CAMK2D: variants seen among roughly 807,000 people sequenced by gnomAD.
CAMK2D encodes calcium/calmodulin dependent protein kinase II delta, also known as calcium/calmodulin-dependent protein kinase type II subunit delta.
In CAMK2D, 37 loss-of-function variants were observed where a neutral mutation model predicts 84.0. The ratio of observed to expected loss-of-function variants is 0.44; its 90% CI spans 0.34 to 0.58. The LOEUF (loss-of-function observed/expected upper bound fraction) is 0.58, where lower values mean the gene tolerates loss of function less well. Among genes scored for constraint, CAMK2D ranks in the 20% least tolerant of loss-of-function variants. The pLI, the probability that CAMK2D is intolerant of heterozygous loss-of-function variation, is 0.02. For missense variants in CAMK2D, 448 were observed against 652.5 expected, an observed-to-expected ratio of 0.69 and a Z score of 3.41; for synonymous variants, 202 against 212.5, an observed-to-expected ratio of 0.95 and a Z score of 0.43.
chr4:113,519,914 A>C (rs955902093), intron 8 of CAMK2D, among the ~76,000 whole-genome samples: 1 of 152,196 alleles, frequency 6.6e-6, no homozygotes, highest in Non-Finnish European at 1.5e-5. Context: ...ATGATGCTCT[A>C]AACATTCCCT....
At chr4:113,594,351 A>G (rs1373364313) in intron 4 of CAMK2D, among the ~76,000 whole-genome samples, 1 of 152,182 alleles carries the variant, frequency 6.6e-6, no homozygotes, top group Non-Finnish European at 1.5e-5. Flanking sequence ...CACCTAGTAC[A>G]TCATGCCCAC....
At chr4:113,737,449 A>C (rs2099583775) in intron 2 of CAMK2D, among the ~76,000 whole-genome samples, 1 of 152,216 alleles carries the variant, frequency 6.6e-6, no homozygotes, top group Admixed American at 6.5e-5. Flanking sequence ...AAATTCACAG[A>C]GACAGAGTGC....
rs1013428867 is a variant in CAMK2D at position 113,644,202 on chromosome 4, A to G, written c.220+17511T>C. On this transcript the variant is annotated intron_variant, in intron 3 of 20. Transcript: ENST00000511664. The stretch of plus-strand genomic sequence containing the variant: ...TGGGTTCAAAAAGAAAAAGACCTCA[A>G]TAAAATCAGAAGAAACAGAAAAAAT... Among the ~76,000 whole-genome samples, 91 of 152,238 alleles carry G rather than the reference A, an allele frequency of 6.0e-4. 1 individual carries two copies. The highest frequency in any genetic ancestry group is 2.1e-3 in the African/African-American group (87 of 41,462).
intron 3 of CAMK2D, among the ~76,000 whole-genome samples, chr4:113,622,887 A>G (rs1261611505): frequency 6.6e-6 from 1 of 152,206 alleles, no homozygotes; most frequent in Non-Finnish European, 1.5e-5. Context: ...ATTCTCTAGA[A>G]TAGGTATCTT....
intron 15 of CAMK2D, 59 bp from the exon 16 acceptor site, chr4:113,500,570 TA>T (rs2098023907): frequency 6.0e-6 from 7 of 1,164,264 alleles, no homozygotes; most frequent in Non-Finnish European, 1.3e-6. Flanking sequence ...ATTTCCTCCT[TA>T]AAAATTGGCT....
At chr4:113,510,212 C>CTATT (rs2098191984) in intron 12 of CAMK2D, among the ~76,000 whole-genome samples, 2 of 152,234 alleles carry the variant, frequency 1.3e-5, no homozygotes, top group Admixed American at 6.5e-5. Context: ...AAAAATATTA[C>CTATT]TATTTAAATA....
At chr4:113,507,733 T>C (rs983552052) in intron 13 of CAMK2D, among the ~76,000 whole-genome samples, 1 of 152,174 alleles carries the variant, frequency 6.6e-6, no homozygotes, top group Non-Finnish European at 1.5e-5. Context: ...GGGCAAGATA[T>C]TCCTATTTCT....
At chr4:113,650,608 G>A (rs11934407) in intron 3 of CAMK2D, among the ~76,000 whole-genome samples, 14,916 of 151,356 alleles carry the variant, frequency 0.099, 2,113 homozygotes, top group African/African-American at 0.32. Flanking sequence ...AAAAGATTTC[G>A]AAAAAACATT....
chr4:113,580,345 T>C (rs959191405), intron 4 of CAMK2D, among the ~76,000 whole-genome samples: 8 of 152,242 alleles, frequency 5.3e-5, no homozygotes, highest in African/African-American at 1.9e-4. Flanking sequence ...GAAATGGTTT[T>C]TCATATTGTA....
intron 3 of CAMK2D, among the ~76,000 whole-genome samples, chr4:113,644,025 T>C (rs903240057): frequency 1.1e-4 from 17 of 152,202 alleles, no homozygotes; most frequent in Admixed American, 5.9e-4. Flanking sequence ...TTACATCAAA[T>C]TATGTCATTC....
chr4:113,480,209 C>T (rs980481624), intron 16 of CAMK2D, among the ~76,000 whole-genome samples: 9 of 152,016 alleles, frequency 5.9e-5, no homozygotes, highest in Admixed American at 2.6e-4. Flanking sequence ...GTAATCCGCC[C>T]GCCTCGGCCT....
At chr4:113,508,850 C>T (rs1329839301) in intron 13 of CAMK2D, among the ~76,000 whole-genome samples, 3 of 152,120 alleles carry the variant, frequency 2.0e-5, no homozygotes, top group Middle Eastern at 3.4e-3. Flanking sequence ...TTCCCAAGAA[C>T]GTTGAAGTGT....
rs372378514 is a variant in CAMK2D, at chr4:113,515,201, T to C, written c.697-10A>G. 1.2e-4 allele frequency: 184 copies of C among 1,574,572 alleles called. No individual in the cohort carries two copies. The African/African-American group carries it at 2.4e-3, about 20-fold the overall frequency. ...ATTCTGGTGATGGAAACTTCAAAAATATAAATTTATAAAAAGTTTAAAAAA... is the reference window on the plus strand; with the variant it reads ...ATTCTGGTGATGGAAACTTCAAAAACATAAATTTATAAAAAGTTTAAAAAA... On this transcript the variant is annotated splice_polypyrimidine_tract_variant and intron_variant, in intron 9 of 20. Transcript: ENST00000511664.
chr4:113,589,404 A>G (rs567026279), intron 4 of CAMK2D, among the ~76,000 whole-genome samples: 1 of 152,114 alleles, frequency 6.6e-6, no homozygotes, highest in East Asian at 1.9e-4. Flanking sequence ...AAGAAGTGCA[A>G]ATGTCTTGAA....
intron 16 of CAMK2D, among the ~76,000 whole-genome samples, chr4:113,499,922 T>C (rs1221462244): frequency 1.3e-5 from 2 of 152,146 alleles, no homozygotes; most frequent in Non-Finnish European, 2.9e-5. Context: ...CTCATACATG[T>C]AGCTAAAAGA....
intron 2 of CAMK2D, among the ~76,000 whole-genome samples, chr4:113,668,136 A>G (rs1456654852): frequency 1.3e-5 from 2 of 152,140 alleles, no homozygotes; most frequent in Non-Finnish European, 1.5e-5. Flanking sequence ...AAAAAAAATT[A>G]CGTGAAAAAA....
At chr4:113,620,834 T>C (rs1237713035) in intron 3 of CAMK2D, among the ~76,000 whole-genome samples, 1 of 152,200 alleles carries the variant, frequency 6.6e-6, no homozygotes, top group Non-Finnish European at 1.5e-5. Context: ...TAAATTATAT[T>C]TTTAAGAACC....
chr4:113,748,776 A>G (rs1421423625), intron 2 of CAMK2D, among the ~76,000 whole-genome samples: 1 of 152,102 alleles, frequency 6.6e-6, no homozygotes, highest in Admixed American at 6.5e-5. Flanking sequence ...AATGAACTAC[A>G]AATATGTCTT....
intron 4 of CAMK2D, among the ~76,000 whole-genome samples, chr4:113,556,538 G>A (rs2098665705): frequency 6.6e-6 from 1 of 152,162 alleles, no homozygotes; most frequent in Non-Finnish European, 1.5e-5. Flanking sequence ...GTGTTACTGG[G>A]TGTCTTGGCT....
Sources: gnomAD v4.1 joint callset for allele counts (sites outside exome capture counted in the v4.1 genomes callset) on GRCh38, gnomAD v4.1.1 for gene constraint, MANE v1.5 for transcripts, NCBI Gene and HGNC (gene_info 2026-07-23, HGNC 2026-07-21) for gene names.